The following PABPC1 variants were observed in gnomAD, a reference collection of about 807,000 sequenced individuals.
PABPC1 encodes poly(A) binding protein cytoplasmic 1.
A neutral mutation model predicts 74.0 loss-of-function variants in PABPC1; 4 were observed. That is an observed-to-expected ratio of 0.05 (90% CI 0.03 to 0.12). The LOEUF is 0.12. Ranked by LOEUF, PABPC1 falls within the 10% of genes least tolerant of loss-of-function variation. PABPC1 has a pLI of 1.00. For missense variants in PABPC1, 271 were observed against 821.1 expected (o/e 0.33, Z 8.19); for synonymous variants, 227 against 264.1 (o/e 0.86, Z 1.36).
At position 100,721,695 on chromosome 8, in the gene PABPC1, A is replaced by C; in HGVS notation, c.-112T>G. 1 of 919,170 alleles carries C rather than the reference A, an allele frequency of 1.1e-6. No individual in the cohort carries two copies. The highest frequency in any genetic ancestry group is 1.7e-5 in the African/African-American group (1 of 58,282). 56.9% of individuals were successfully genotyped at this position (919,170 alleles called of 1,614,324 possible). ...GGGGAGGGGAGCGGGGAGCAAGCGC[A>C]GAGGGACAAAAATCAACCGGAATTG... On this transcript the variant is annotated 5_prime_UTR_variant, in exon 1 of 15. Coordinates refer to ENST00000318607, the MANE Select transcript of PABPC1 (RefSeq NM_002568.4). This position sits in a 1 kb window ranked among gnomAD's most constrained non-coding sequence, Gnocchi z 7.4.
chr8:100,704,054 CAAAAAAAAAAAAA>C (rs34116624), intron 14 of PABPC1: 2 of 172,594 alleles, frequency 1.2e-5, no homozygotes, highest in Admixed American at 9.0e-5. Flanking sequence ...AACTCCATCT[CAAAAAAAAAAAAA>C]AAAAAAAACA....
intron 11 of PABPC1, 30 bp from the exon 12 acceptor site, chr8:100,705,703 A>G: frequency 1.4e-6 from 2 of 1,426,416 alleles, no homozygotes; most frequent in East Asian, 2.3e-5. Flanking sequence ...TCTTAAGTTT[A>G]AAGCACAGAA....
chr8:100,718,332 TACTTAAGATTATATAA>T, intron 1 of PABPC1, 52 bp from the exon 2 acceptor site: 1 of 1,442,112 alleles, frequency 6.9e-7, no homozygotes, highest in Non-Finnish European at 9.6e-7. Flanking sequence ...TTTTGCTGGC[TACTTAAGATTATATAA>T]ACTATGGTGA....
chr8:100,707,453 G>A (rs1587147797), intron 9 of PABPC1, among the ~76,000 whole-genome samples: 1 of 152,220 alleles, frequency 6.6e-6, no homozygotes, highest in African/African-American at 2.4e-5. Context: ...GGTCACGTGG[G>A]TTACGTGTCC....
intron 13 of PABPC1, 108 bp from the exon 14 acceptor site, chr8:100,704,498 T>A (rs1178125926): frequency 4.2e-6 from 4 of 945,968 alleles, no homozygotes; most frequent in Admixed American, 3.8e-5. Context: ...TTCCCTCAAA[T>A]GAAAGTATAA....
chr8:100,711,322 T>C (rs1317133595), intron 7 of PABPC1, among the ~76,000 whole-genome samples: 1 of 151,944 alleles, frequency 6.6e-6, no homozygotes, highest in Non-Finnish European at 1.5e-5. Flanking sequence ...AGAATTTGTG[T>C]TGCACTGCAT....
rs201336883 is a variant in PABPC1, at chr8:100,721,384, C to T, written c.193+7G>A. On this transcript the variant is annotated splice_region_variant and intron_variant, in intron 1 of 14. Coordinates refer to ENST00000318607, the MANE Select transcript of PABPC1 (RefSeq NM_002568.4). This position sits in a 1 kb window ranked among gnomAD's most constrained non-coding sequence, Gnocchi z 7.4. Reference sequence around the variant, plus strand: ...CCGCCCGGCCGACCGCGGAGCCCGGCGCTCACCGTCCGCCGGCTGCTGGAA... The same window carrying T: ...CCGCCCGGCCGACCGCGGAGCCCGGTGCTCACCGTCCGCCGGCTGCTGGAA... 6.6e-6 allele frequency: 10 copies of T among 1,513,836 alleles called. No individual in the cohort carries two copies. In the South Asian group the frequency reaches 7.6e-5, roughly 12 times the overall value. 93.8% of individuals were successfully genotyped at this position (1,513,836 alleles called of 1,614,324 possible). A position where few individuals can be genotyped will look rare whatever the true frequency, so the allele number is the denominator to read the frequency against.
At position 100,709,126 on chromosome 8, in the gene PABPC1, G is replaced by T; in HGVS notation, c.1336+7C>A. On this transcript the variant is annotated splice_region_variant and intron_variant, in intron 9 of 14. Transcript: ENST00000318607. ...CCCCAACCTTAATTAAAAGAAAAAA[G>T]ACTTACGATGAGGTCTGGCACCCTG... 6.4e-7 allele frequency: 1 copy of T among 1,562,330 alleles called. No individual in the cohort carries two copies. The highest frequency in any genetic ancestry group is 8.7e-7 in the Non-Finnish European group (1 of 1,146,118).
chr8:100,706,475 A>G (rs762549364), intron 11 of PABPC1, among the ~76,000 whole-genome samples, 176 bp downstream of exon 11: 1 of 151,108 alleles, frequency 6.6e-6, no homozygotes, highest in Non-Finnish European at 1.5e-5. Flanking sequence ...CTTTGTGGAG[A>G]CAGGGTCCTG....
chr8:100,717,681 T>C, intron 3 of PABPC1, 92 bp downstream of exon 3: 1 of 773,732 alleles, frequency 1.3e-6, no homozygotes, highest in South Asian at 1.8e-5. Flanking sequence ...TGCATCTAAC[T>C]TCTCCCTGAC....
chr8:100,707,646 C>T (rs900527441), intron 9 of PABPC1, among the ~76,000 whole-genome samples: 11 of 152,178 alleles, frequency 7.2e-5, no homozygotes, highest in African/African-American at 2.7e-4. Context: ...AGACTAGGAG[C>T]GTGACCACTG....
intron 6 of PABPC1, 73 bp downstream of exon 6, chr8:100,712,579 G>A: frequency 1.3e-6 from 2 of 1,543,094 alleles, no homozygotes; most frequent in Non-Finnish European, 1.8e-6. Flanking sequence ...CAGCTACCTG[G>A]AAGTAACTGA....
chr8:100,716,685 G>A (rs1016755006), intron 3 of PABPC1, among the ~76,000 whole-genome samples: 2 of 152,196 alleles, frequency 1.3e-5, no homozygotes, highest in Admixed American at 6.5e-5. Context: ...TGTAAATAAT[G>A]CTGCAACTTT....
rs1004596949 is a variant in PABPC1 at position 100,721,122 on chromosome 8, G to A, written c.193+269C>T. On this transcript the variant is annotated intron_variant, in intron 1 of 14. Transcript: ENST00000318607. The surrounding 1 kb of genome is among the most constrained non-coding windows in gnomAD (Gnocchi z 7.4). ...ACCGAATCTCACCCACCCTCCCGGC[G>A]CGTCATCACCCTAAAGTTTGAGAGC... 6.6e-6 allele frequency among the ~76,000 whole-genome samples: 1 copy of A among 152,146 alleles called. No homozygotes were observed. Among genetic ancestry groups the A allele is most frequent in the African/African-American group, 2.4e-5 (1 of 41,432 alleles).
In PABPC1 at chr8:100,709,384, G is replaced by A. The variant is rs182789247; in HGVS notation, c.1245+75C>T. 2,121 of 1,560,398 alleles carry A rather than the reference G, an allele frequency of 1.4e-3. 5 individuals are homozygous for A. Among genetic ancestry groups the A allele is most frequent in the Non-Finnish European group, 1.7e-3 (1,905 of 1,134,476 alleles). ...TTTCTTAATGTTTCACATTTGCGGG[G>A]CGAGGGGCACAAAAAACACTAGAAA... On this transcript the variant is annotated intron_variant, in intron 8 of 14. Transcript: ENST00000318607.
intron 1 of PABPC1, among the ~76,000 whole-genome samples, chr8:100,719,842 AC>A (rs1810768907): frequency 6.6e-6 from 1 of 152,252 alleles, no homozygotes; most frequent in Admixed American, 6.5e-5. Context: ...AAAGTTATCT[AC>A]CCCCATCTGA....
intron 9 of PABPC1, among the ~76,000 whole-genome samples, chr8:100,707,863 C>T (rs192947931): frequency 3.2e-4 from 49 of 152,348 alleles, no homozygotes; most frequent in Admixed American, 9.8e-4. Context: ...TGGCAACGGG[C>T]GTCTTCCCAG....
intron 3 of PABPC1, among the ~76,000 whole-genome samples, chr8:100,717,052 C>T (rs142742405): frequency 5.8e-4 from 89 of 152,212 alleles, no homozygotes; most frequent in Middle Eastern, 6.8e-3. Flanking sequence ...ATCTTGTCGC[C>T]CAGACTGGAG....
In PABPC1 at chr8:100,706,636, T is replaced by A; in HGVS notation, c.1602+15A>T. 1 of 1,606,926 alleles carries A rather than the reference T, an allele frequency of 6.2e-7. No homozygotes were observed. Among genetic ancestry groups the A allele is most frequent in the Admixed American group, 1.7e-5 (1 of 59,288 alleles). ...AAGAAATGTGATTTTTATTAAGAAA[T>A]CATTAAATCCATACCTGTTGCATTG... is the stretch of plus-strand genomic sequence containing the variant. On this transcript the variant is annotated intron_variant, in intron 11 of 14. Coordinates refer to ENST00000318607, the MANE Select transcript of PABPC1 (RefSeq NM_002568.4).
Sources: gnomAD v4.1 joint callset for allele counts (sites outside exome capture counted in the v4.1 genomes callset) on GRCh38, gnomAD v4.1.1 for gene constraint, Gnocchi (gnomAD v3.1) non-coding constraint, MANE v1.5 for transcripts, NCBI Gene and HGNC (gene_info 2026-07-23, HGNC 2026-07-21) for gene names.